The following PEAK1 variants were observed in gnomAD, a reference collection of about 807,000 sequenced individuals.
The protein encoded by PEAK1 is pseudopodium enriched atypical kinase 1.
Under a neutral mutation model 124.7 loss-of-function variants are expected in PEAK1, and 54 were observed. The observed-to-expected ratio is 0.43, with a 90% CI of 0.35 to 0.54. PEAK1 has a LOEUF of 0.54. Among genes scored for constraint, PEAK1 ranks in the 20% least tolerant of loss-of-function variants. PEAK1 has a pLI of 0.01. For synonymous variants in PEAK1, 719 were observed against 760.0 expected (o/e 0.95, Z 0.89); for missense variants, 2,046 against 2,134.5 (o/e 0.96, Z 0.82).
intron 6 of PEAK1, among the ~76,000 whole-genome samples, chr15:77,236,206 T>C (rs947694527): frequency 2.0e-5 from 3 of 152,190 alleles, no homozygotes; most frequent in South Asian, 2.1e-4. Context: ...CACTGACAGC[T>C]TGCACTGTGC....
intron 8 of PEAK1, among the ~76,000 whole-genome samples, chr15:77,151,888 G>A (rs2054661251): frequency 6.6e-6 from 1 of 152,172 alleles, no homozygotes; most frequent in African/African-American, 2.4e-5. Flanking sequence ...TTTGGTAACA[G>A]TACCATGCTG....
chr15:77,179,122 C>G lies in PEAK1; in HGVS notation c.2805G>C (p.Arg935=), dbSNP rs749263116. The G allele has an allele frequency of 1.2e-6, 2 of 1,614,048 alleles. No individual in the cohort carries two copies. The highest frequency in any genetic ancestry group is 2.7e-5 in the African/African-American group (2 of 74,920). Residue 935 remains arginine, a synonymous_variant, in exon 7 of 10, where the codon CGG becomes CGC. Coordinates refer to ENST00000682557, the MANE Select transcript of PEAK1 (RefSeq NM_001385026.1). ...WISFKSFFRR[R]KTDEEDDKEK... The stretch of plus-strand genomic sequence containing the variant: ...CTTTGTCATCCTCCTCATCTGTTTT[C>G]CGACGGCGGAAGAAGCTTTTAAATG...
At chr15:77,131,995 T>TAAA (rs1045235956) in intron 9 of PEAK1, among the ~76,000 whole-genome samples, 1 of 151,822 alleles carries the variant, frequency 6.6e-6, no homozygotes, top group Non-Finnish European at 1.5e-5. Flanking sequence ...CACTCCAGCC[T>TAAA]AAAAAAAAGA....
At chr15:77,135,272 TA>T (rs1425440633) in intron 8 of PEAK1, among the ~76,000 whole-genome samples, 17 of 152,308 alleles carry the variant, frequency 1.1e-4, no homozygotes, top group Non-Finnish European at 5.9e-5. Context: ...TGACAATGAA[TA>T]GGGGTGGTGG....
chr15:77,396,122 C>A (rs73448693), intron 1 of PEAK1, among the ~76,000 whole-genome samples: 1 of 151,874 alleles, frequency 6.6e-6, no homozygotes, highest in South Asian at 2.1e-4. Flanking sequence ...CTTGTTTATG[C>A]GATCAGTGTT....
chr15:77,114,966 G>A lies in PEAK1; in HGVS notation c.4431C>T (p.Asp1477=). 6.2e-7 allele frequency: 1 copy of A among 1,614,154 alleles called. No homozygotes were observed. Among genetic ancestry groups the A allele is most frequent in the East Asian group, 2.2e-5 (1 of 44,860 alleles). ...GGCTTTTCCCATGCTGGGCCAGAGA[G>A]TCTCGCACAAAATCAGCCACAGTAA... ...PCLTVADFVR[D]SLAQHGKSPD... Residue 1477 remains aspartate (D), a synonymous_variant, in exon 10 of 10, where the codon GAC becomes GAT. Transcript: ENST00000682557.
chr15:77,168,237 GCACA>G (rs113937076), intron 7 of PEAK1, among the ~76,000 whole-genome samples: 79 of 147,280 alleles, frequency 5.4e-4, no homozygotes, highest in Non-Finnish European at 9.6e-4. Context: ...ATGTGCGCGC[GCACA>G]CACACACACA....
intron 1 of PEAK1, among the ~76,000 whole-genome samples, chr15:77,409,517 G>A (rs1298230977): frequency 6.6e-6 from 1 of 152,130 alleles, no homozygotes; most frequent in East Asian, 1.9e-4. Context: ...AAAGTAACAT[G>A]CTCATGAAAG....
At chr15:77,341,028 G>C (rs2066496922) in intron 2 of PEAK1, among the ~76,000 whole-genome samples, 1 of 150,906 alleles carries the variant, frequency 6.6e-6, no homozygotes, top group Admixed American at 6.6e-5. Flanking sequence ...ACAGATCACT[G>C]CAACTCTTGA....
intron 8 of PEAK1, among the ~76,000 whole-genome samples, chr15:77,144,621 A>G (rs1195016948): frequency 6.6e-6 from 1 of 152,232 alleles, no homozygotes; most frequent in African/African-American, 2.4e-5. Flanking sequence ...AATAAAGATA[A>G]GTAATGTGGC....
intron 8 of PEAK1, among the ~76,000 whole-genome samples, chr15:77,152,187 T>C (rs1212827299): frequency 6.6e-6 from 1 of 152,176 alleles, no homozygotes; most frequent in Non-Finnish European, 1.5e-5. Context: ...GTAGTTCTCC[T>C]TGAAGAGGTC....
At chr15:77,117,233 A>T (rs1488085053) in intron 9 of PEAK1, among the ~76,000 whole-genome samples, 1 of 152,186 alleles carries the variant, frequency 6.6e-6, no homozygotes, top group African/African-American at 2.4e-5. Flanking sequence ...GTTACATTAT[A>T]AAAAATGACA....
intron 2 of PEAK1, among the ~76,000 whole-genome samples, chr15:77,308,602 A>G (rs1038186388): frequency 6.6e-6 from 1 of 152,072 alleles, no homozygotes; most frequent in African/African-American, 2.4e-5. Flanking sequence ...ATCAGTTTTG[A>G]TATTTCATTA....
At chr15:77,295,890 T>G (rs1415793670) in intron 2 of PEAK1, among the ~76,000 whole-genome samples, 1 of 152,204 alleles carries the variant, frequency 6.6e-6, no homozygotes, top group African/African-American at 2.4e-5. Context: ...CAGCTAAAGC[T>G]TCAACAGTGA....
chr15:77,317,626 G>A (rs1411500509), intron 2 of PEAK1, among the ~76,000 whole-genome samples: 1 of 152,088 alleles, frequency 6.6e-6, no homozygotes, highest in Non-Finnish European at 1.5e-5. Flanking sequence ...AGAAGAATGG[G>A]GTCTCCTGAC....
chr15:77,332,324 G>C (rs1269342240), intron 2 of PEAK1: 1 of 979,084 alleles, frequency 1.0e-6, no homozygotes, highest in East Asian at 1.1e-4. Flanking sequence ...TTTTGGCCGG[G>C]TGCGGTGGCT....
chr15:77,364,248 G>A (rs1190929648), intron 2 of PEAK1, among the ~76,000 whole-genome samples: 1 of 152,034 alleles, frequency 6.6e-6, no homozygotes, highest in African/African-American at 2.4e-5. Context: ...GGTGATGGTT[G>A]CACATCTCTG....
intron 8 of PEAK1, among the ~76,000 whole-genome samples, chr15:77,141,597 T>C (rs1284468702): frequency 6.6e-6 from 1 of 152,102 alleles, no homozygotes; most frequent in African/African-American, 2.4e-5. Flanking sequence ...AAGAATAAAG[T>C]TGGAAAAGTT....
intron 2 of PEAK1, among the ~76,000 whole-genome samples, chr15:77,311,763 G>T (rs536823938): frequency 5.3e-5 from 8 of 151,226 alleles, no homozygotes; most frequent in African/African-American, 1.9e-4. Flanking sequence ...TAAGGTGTGC[G>T]TCTGGTGGGG....
Sources: allele counts gnomAD v4.1 joint callset (sites outside exome capture counted in the v4.1 genomes callset), GRCh38; gene constraint gnomAD v4.1.1; transcripts MANE v1.5; gene names NCBI Gene and HGNC (gene_info 2026-07-23, HGNC 2026-07-21).